Variants in COL5A1 observed in about 807,000 individuals in gnomAD.
COL5A1 encodes the protein collagen alpha-1(V) chain.
A neutral mutation model predicts 263.7 loss-of-function variants in COL5A1; 16 were observed. The observed-to-expected ratio is 0.06, with a 90% CI of 0.04 to 0.09. The LOEUF (loss-of-function observed/expected upper bound fraction) is 0.09, where lower values mean the gene tolerates loss of function less well. Ranked by LOEUF, COL5A1 falls within the 10% of genes least tolerant of loss-of-function variation. The pLI is 1.00. For missense variants in COL5A1, 2,036 were observed against 2,540.5 expected, an observed-to-expected ratio of 0.80 and a Z score of 4.27; for synonymous variants, 1,012 against 1,004.5, an observed-to-expected ratio of 1.01 and a Z score of -0.14.
intron 61 of COL5A1, among the ~76,000 whole-genome samples, chr9:134,823,934 T>C (rs1242891716): frequency 6.6e-6 from 1 of 152,028 alleles, no homozygotes; most frequent in Non-Finnish European, 1.5e-5. Flanking sequence ...ATGTGTAGTG[T>C]GTGTATATTG....
At chr9:134,790,258 A>T (rs977973234) in intron 32 of COL5A1, among the ~76,000 whole-genome samples, 1 of 152,134 alleles carries the variant, frequency 6.6e-6, no homozygotes, top group Admixed American at 6.5e-5. Flanking sequence ...ACCCAAGGAG[A>T]CTATTATCTC....
chr9:134,805,791 G>T (rs1838274915), intron 41 of COL5A1, among the ~76,000 whole-genome samples: 1 of 152,044 alleles, frequency 6.6e-6, no homozygotes, highest in South Asian at 2.1e-4. Flanking sequence ...TGCCCTGCAG[G>T]CATGTGGGCC....
intron 65 of COL5A1, among the ~76,000 whole-genome samples, chr9:134,839,491 G>A (rs1274459874): frequency 6.6e-6 from 1 of 152,182 alleles, no homozygotes; most frequent in Non-Finnish European, 1.5e-5. Context: ...TGTGACCGAC[G>A]CCACTGCTGA....
At chr9:134,718,336 T>G (rs1834343114) in intron 4 of COL5A1, among the ~76,000 whole-genome samples, 2 of 152,190 alleles carry the variant, frequency 1.3e-5, no homozygotes, top group African/African-American at 4.8e-5. Flanking sequence ...GGCGGAAACT[T>G]CCAGGGCACT....
rs76250815 is a variant in COL5A1 at position 134,838,487 on chromosome 9, G to A, written c.5370+3283G>A. 2.1e-3 allele frequency among the ~76,000 whole-genome samples: 321 copies of A among 152,330 alleles called. 9 individuals are homozygous for A. The East Asian group carries it at 0.052, about 25-fold the overall frequency. On this transcript the variant is annotated intron_variant, in intron 65 of 65. Coordinates refer to ENST00000371817, the MANE Select transcript of COL5A1 (RefSeq NM_000093.5). ...AAGCCGAGAACCAAGTGCAGCTGCC[G>A]TCCAGACCGCGCCACCTTCTCAGGC...
In COL5A1 at chr9:134,801,998, C is replaced by G. The variant is rs201897490; in HGVS notation, c.2997C>G (p.Val999=). ...GCCCTCCAGGCCCCCCCGGCGTGGTCGGCCCTCAGGTAAGCTCCAGCCTTC... is the reference window on the plus strand; with the variant it reads ...GCCCTCCAGGCCCCCCCGGCGTGGTGGGCCCTCAGGTAAGCTCCAGCCTTC... ...KTGPPGPPGV[V]GPQGPTGETG... Residue 999 remains valine (V), a synonymous_variant, in exon 38 of 66, where the codon GTC becomes GTG. Transcript: ENST00000371817. 6.2e-7 allele frequency: 1 copy of G among 1,613,334 alleles called. No homozygotes were observed. Among genetic ancestry groups the G allele is most frequent in the East Asian group, 2.2e-5 (1 of 44,856 alleles).
At chr9:134,831,143 C>T (rs1210136786) in intron 64 of COL5A1, among the ~76,000 whole-genome samples, 4 of 152,226 alleles carry the variant, frequency 2.6e-5, no homozygotes, top group Non-Finnish European at 1.5e-5. Context: ...TGCACCCTGG[C>T]ACCAGCCCCA....
chr9:134,801,048 G>C (rs965754602), intron 37 of COL5A1, among the ~76,000 whole-genome samples: 2 of 152,250 alleles, frequency 1.3e-5, no homozygotes, highest in Admixed American at 1.3e-4. Context: ...TGGAAAAGAA[G>C]CTTATGTTGC....
intron 4 of COL5A1, among the ~76,000 whole-genome samples, chr9:134,714,760 G>A (rs1263718479): frequency 8.6e-6 from 1 of 116,810 alleles, no homozygotes; most frequent in Non-Finnish European, 1.9e-5. Flanking sequence ...TGATTGTGAT[G>A]GTGTGATGCT....
At position 134,834,931 on chromosome 9, in the gene COL5A1, G is replaced by A. The variant is rs780773347; in HGVS notation, c.5137-40G>A. ...GACGTGGGGCTTTGTTGCTGTGTGT[G>A]TCCCCACCCTGCTGAGCCCCAACAC... On this transcript the variant is annotated intron_variant, in intron 64 of 65. Coordinates refer to ENST00000371817, the MANE Select transcript of COL5A1 (RefSeq NM_000093.5). The A allele has an allele frequency of 2.7e-5, 38 of 1,430,076 alleles. 2 individuals are homozygous for A. The South Asian group carries it at 4.2e-4, about 16-fold the overall frequency. 88.6% of individuals were successfully genotyped at this position (1,430,076 alleles called of 1,614,324 possible). A position where few individuals can be genotyped will look rare whatever the true frequency, so the allele number is the denominator to read the frequency against.
rs757595255 is a variant in COL5A1 at position 134,669,320 on chromosome 9, C to CTCCT, written c.110-21573_110-21570dup. Among the ~76,000 whole-genome samples the CTCCT allele has an allele frequency of 8.2e-4, 102 of 124,580 alleles. 2 individuals are homozygous for CTCCT. The highest frequency in any genetic ancestry group is 5.0e-3 in the Middle Eastern group (1 of 202). 81.7% of individuals were successfully genotyped at this position (124,580 alleles called of 152,430 possible). ...CCCTCCCCTCCCCTCCCCTTCCCTT[C>CTCCT]TCCTTCCTTCCTTCCTTCCTTCTTT... On this transcript the variant is annotated intron_variant, in intron 1 of 65. Transcript: ENST00000371817.
chr9:134,773,562 C>T (rs1434000489), intron 26 of COL5A1, among the ~76,000 whole-genome samples: 1 of 152,230 alleles, frequency 6.6e-6, no homozygotes, highest in Non-Finnish European at 1.5e-5. Flanking sequence ...CCCACCTGCT[C>T]CAGGGTTCCA....
At chr9:134,701,778 C>T (rs1315842484) in intron 4 of COL5A1, among the ~76,000 whole-genome samples, 1 of 152,174 alleles carries the variant, frequency 6.6e-6, no homozygotes, top group Non-Finnish European at 1.5e-5. Flanking sequence ...AGACCTGTGC[C>T]GACCCAACTC....
At chr9:134,645,650 C>T (rs1428656438) in intron 1 of COL5A1, among the ~76,000 whole-genome samples, 1 of 152,242 alleles carries the variant, frequency 6.6e-6, no homozygotes, top group Non-Finnish European at 1.5e-5. Flanking sequence ...TCACCCGGGC[C>T]TGAGAAGGGA....
chr9:134,748,192 T>G (rs957000850), intron 11 of COL5A1, among the ~76,000 whole-genome samples: 2 of 147,818 alleles, frequency 1.4e-5, no homozygotes, highest in African/African-American at 5.1e-5. Context: ...ATGCATACAT[T>G]CACACACATG....
intron 18 of COL5A1, among the ~76,000 whole-genome samples, chr9:134,760,918 CACGT>C (rs1278672865): frequency 6.7e-6 from 1 of 149,790 alleles, no homozygotes; most frequent in Non-Finnish European, 1.5e-5. Flanking sequence ...TGCACACACA[CACGT>C]ACACACATGC....
intron 37 of COL5A1, 99 bp downstream of exon 37, chr9:134,798,560 T>C: frequency 9.9e-7 from 1 of 1,014,076 alleles, no homozygotes. Flanking sequence ...AGGACCCTCC[T>C]GGCCTGGGAG....
chr9:134,821,445 C>T lies in COL5A1; in HGVS notation c.4555-652C>T, dbSNP rs1303142794. On this transcript the variant is annotated intron_variant, in intron 58 of 65. Transcript: ENST00000371817. The surrounding 1 kb of genome is among the most constrained non-coding windows in gnomAD (Gnocchi z 4.2). The stretch of plus-strand genomic sequence containing the variant: ...ATCAGCCCTCCGCTACCCTCGCCCC[C>T]AGCTTCTGCCCGGAGAGAGCTCTGA... Among the ~76,000 whole-genome samples the T allele has an allele frequency of 6.6e-6, 1 of 152,180 alleles. No individual in the cohort carries two copies. Among genetic ancestry groups the T allele is most frequent in the African/African-American group, 2.4e-5 (1 of 41,444 alleles).
At chr9:134,786,185 C>T (rs1029338164) in intron 31 of COL5A1, 137 bp downstream of exon 31, 9 of 833,814 alleles carry the variant, frequency 1.1e-5, no homozygotes, top group South Asian at 3.0e-5. Flanking sequence ...GGCCATGTTA[C>T]GTGTCCTGGT....
Sources: allele counts gnomAD v4.1 joint callset (sites outside exome capture counted in the v4.1 genomes callset), GRCh38; gene constraint gnomAD v4.1.1; non-coding constraint Gnocchi (gnomAD v3.1); transcripts MANE v1.5; gene names NCBI Gene and HGNC (gene_info 2026-07-23, HGNC 2026-07-21).